CACNB2: variants seen among roughly 807,000 people sequenced by gnomAD.
CACNB2 encodes the protein voltage-dependent L-type calcium channel subunit beta-2.
In CACNB2, 42 loss-of-function variants were observed where a neutral mutation model predicts 73.3. That is an observed-to-expected ratio of 0.57 (90% CI 0.45 to 0.74). CACNB2 has a LOEUF of 0.74. CACNB2 is among the 30% of genes least tolerant of loss of function. The pLI is 0.00. For synonymous variants in CACNB2, 348 were observed against 310.3 expected (o/e 1.12, Z -1.28); for missense variants, 940 against 853.0 (o/e 1.10, Z -1.27).
chr10:18,286,722 A>G (rs182107077), intron 2 of CACNB2, among the ~76,000 whole-genome samples: 1 of 152,154 alleles, frequency 6.6e-6, no homozygotes, highest in Admixed American at 6.5e-5. Context: ...TGATTGTGAT[A>G]TATGTGAAAA....
Position 18,341,016 on chromosome 10 carries a change from C to T in CACNB2, c.214-60908C>T, listed in dbSNP as rs1354680669. ...AGAGAAGCCGGCCAGATGCACGGTG[C>T]GGTTTAAAGAAAACAGGAATGCATA... is the stretch of plus-strand genomic sequence containing the variant. On this transcript the variant is annotated intron_variant, in intron 2 of 13. Coordinates refer to ENST00000324631, the MANE Select transcript of CACNB2 (RefSeq NM_201596.3). 1.9e-6 allele frequency: 3 copies of T among 1,600,570 alleles called. No individual in the cohort carries two copies. In the South Asian group the frequency reaches 3.3e-5, roughly 18 times the overall value.
At chr10:18,458,566 A>T (rs938833420) in intron 3 of CACNB2, among the ~76,000 whole-genome samples, 1 of 152,168 alleles carries the variant, frequency 6.6e-6, no homozygotes, top group East Asian at 1.9e-4. Context: ...TTCATGCCTT[A>T]ACATGGAATT....
intron 3 of CACNB2, among the ~76,000 whole-genome samples, chr10:18,456,907 G>A (rs998267497): frequency 3.3e-5 from 5 of 152,050 alleles, no homozygotes; most frequent in African/African-American, 7.2e-5. Context: ...GTGGACATTC[G>A]GGTTGCTTCC....
intron 2 of CACNB2, among the ~76,000 whole-genome samples, chr10:18,179,660 CT>C (rs1328353369): frequency 2.6e-5 from 4 of 151,176 alleles, no homozygotes; most frequent in Non-Finnish European, 5.9e-5. Context: ...GCACTGTGTG[CT>C]TTAGTTTGGT....
intron 2 of CACNB2, among the ~76,000 whole-genome samples, chr10:18,393,690 A>C (rs1486514543): frequency 6.6e-6 from 1 of 152,158 alleles, no homozygotes; most frequent in East Asian, 1.9e-4. Flanking sequence ...CAGCTTGCCA[A>C]AGTTCTATTC....
chr10:18,271,419 A>G (rs1253837052), intron 2 of CACNB2, among the ~76,000 whole-genome samples: 2 of 152,252 alleles, frequency 1.3e-5, no homozygotes, highest in Non-Finnish European at 2.9e-5. Flanking sequence ...CAGTTACAAA[A>G]GTAGGTAAAT....
intron 2 of CACNB2, among the ~76,000 whole-genome samples, chr10:18,288,704 C>CACACACACACACACAG (rs746197406): frequency 1.9e-4 from 28 of 151,246 alleles, no homozygotes; most frequent in African/African-American, 2.2e-4. Context: ...CACACACACA[C>CACACACACACACACAG]AGAGATACCC....
chr10:18,189,943 T>C (rs2034321241), intron 2 of CACNB2, among the ~76,000 whole-genome samples: 1 of 152,216 alleles, frequency 6.6e-6, no homozygotes, highest in South Asian at 2.1e-4. Context: ...TTGAAGATAC[T>C]GTGTTTTTAG....
At chr10:18,275,206 C>A (rs79287088) in intron 2 of CACNB2, among the ~76,000 whole-genome samples, 3,912 of 152,294 alleles carry the variant, frequency 0.026, 166 homozygotes, top group African/African-American at 0.09. Flanking sequence ...CCTACAGATA[C>A]CCCTGTGATT....
chr10:18,368,926 G>A (rs184981844), intron 2 of CACNB2, among the ~76,000 whole-genome samples: 3 of 152,218 alleles, frequency 2.0e-5, no homozygotes, highest in Admixed American at 6.5e-5. Flanking sequence ...CAGTCTGCAC[G>A]TGACAACAAG....
chr10:18,205,030 C>T (rs1028639520), intron 2 of CACNB2, among the ~76,000 whole-genome samples: 2 of 145,908 alleles, frequency 1.4e-5, no homozygotes, highest in African/African-American at 2.5e-5. Context: ...ATATTCCAAA[C>T]TCTCTAATGT....
chr10:18,343,672 AT>A (rs1564452742), intron 2 of CACNB2, among the ~76,000 whole-genome samples: 1 of 152,090 alleles, frequency 6.6e-6, no homozygotes, highest in East Asian at 1.9e-4. Flanking sequence ...CCAAACTGTG[AT>A]ACTTCTGATA....
At chr10:18,366,675 C>G (rs1191901968) in intron 2 of CACNB2, among the ~76,000 whole-genome samples, 1 of 151,844 alleles carries the variant, frequency 6.6e-6, no homozygotes, top group East Asian at 1.9e-4. Context: ...GAAACCCCGT[C>G]TCTAAAAATA....
chr10:18,161,191 T>C (rs886204119), intron 2 of CACNB2, among the ~76,000 whole-genome samples: 9 of 152,178 alleles, frequency 5.9e-5, no homozygotes, highest in Non-Finnish European at 1.5e-5. Context: ...CTTCAGGAAG[T>C]CCCTGTCCCC....
At chr10:18,535,949 C>A in intron 11 of CACNB2, 152 bp from the exon 12 acceptor site, 1 of 598,974 alleles carries the variant, frequency 1.7e-6, no homozygotes, top group Non-Finnish European at 3.0e-6. Flanking sequence ...TTTATGTTAA[C>A]ATGTTAATTT....
chr10:18,329,893 A>G (rs2040733490), intron 2 of CACNB2, among the ~76,000 whole-genome samples: 1 of 152,114 alleles, frequency 6.6e-6, no homozygotes, highest in Non-Finnish European at 1.5e-5. Context: ...GCTGGAGTGC[A>G]GTGGTGCGAT....
chr10:18,220,232 T>TATATAGAGAGAGAGAG (rs1488872721), intron 2 of CACNB2, among the ~76,000 whole-genome samples: 1 of 25,084 alleles, frequency 4.0e-5, no homozygotes, highest in East Asian at 9.7e-4. Context: ...TATATATATA[T>TATATAGAGAGAGAGAG]AGAGAGAGAG....
In CACNB2 at chr10:18,406,618, T is replaced by C. The variant is rs572777749; in HGVS notation, c.333+4575T>C. ...ACCCCTGGATGGGACCATCTAGTTG[T>C]AGGAAAACAAGCTCAGGGTTCCTAC... On this transcript the variant is annotated intron_variant, in intron 3 of 13. Coordinates refer to ENST00000324631, the MANE Select transcript of CACNB2 (RefSeq NM_201596.3). 2.0e-5 allele frequency among the ~76,000 whole-genome samples: 3 copies of C among 152,316 alleles called. No homozygotes were observed. In the South Asian group the frequency reaches 6.2e-4, roughly 32 times the overall value.
intron 2 of CACNB2, among the ~76,000 whole-genome samples, chr10:18,328,981 G>A (rs1306257633): frequency 2.0e-5 from 3 of 152,094 alleles, no homozygotes; most frequent in Non-Finnish European, 4.4e-5. Flanking sequence ...TTGCTCTCAG[G>A]GCTCTCAGAC....
Sources: allele counts gnomAD v4.1 joint callset (sites outside exome capture counted in the v4.1 genomes callset), GRCh38; gene constraint gnomAD v4.1.1; transcripts MANE v1.5; gene names NCBI Gene and HGNC (gene_info 2026-07-23, HGNC 2026-07-21).